The following GADL1 variants were observed in gnomAD, a reference collection of about 807,000 sequenced individuals.
GADL1 encodes the protein acidic amino acid decarboxylase GADL1.
In GADL1, 71 loss-of-function variants were observed where a neutral mutation model predicts 69.5. The observed-to-expected ratio is 1.02, with a 90% CI of 0.84 to 1.25. The LOEUF is 1.25. Ranked by LOEUF, GADL1 falls within the 50% of genes most tolerant of loss-of-function variation. The probability of loss-of-function intolerance (pLI) is 0.00; values close to 1 mark genes in which losing one functional copy is unlikely to be tolerated. For missense variants in GADL1, 737 were observed against 631.8 expected (o/e 1.17, Z -1.79); for synonymous variants, 254 against 214.4 (o/e 1.18, Z -1.62).
chr3:30,887,671 A>AATGTTGAAC (rs1698727416), intron 1 of GADL1, among the ~76,000 whole-genome samples: 1 of 152,156 alleles, frequency 6.6e-6, no homozygotes, highest in African/African-American at 2.4e-5. Context: ...CTTCAGGAAA[A>AATGTTGAAC]ATGTTGAACC....
At chr3:30,814,976 A>C (rs1389533497) in intron 11 of GADL1, among the ~76,000 whole-genome samples, 1 of 140,698 alleles carries the variant, frequency 7.1e-6, no homozygotes, top group East Asian at 2.0e-4. Context: ...TTAAAAAAAA[A>C]AAAAAATTTT....
intron 2 of GADL1, 59 bp downstream of exon 2, chr3:30,861,534 G>T: frequency 7.7e-7 from 1 of 1,296,700 alleles, no homozygotes; most frequent in Non-Finnish European, 1.1e-6. Flanking sequence ...CAGCCATACT[G>T]ATTTGGGGAA....
chr3:30,820,686 G>A (rs1037185863), intron 11 of GADL1, among the ~76,000 whole-genome samples: 1 of 152,126 alleles, frequency 6.6e-6, no homozygotes, highest in Non-Finnish European at 1.5e-5. Flanking sequence ...GTGCTAGAGA[G>A]GATGTGAAGA....
intron 9 of GADL1, among the ~76,000 whole-genome samples, chr3:30,838,502 C>T (rs1050145361): frequency 1.8e-4 from 27 of 152,100 alleles, no homozygotes; most frequent in African/African-American, 6.5e-4. Flanking sequence ...TTAGTTATAG[C>T]ATGCAATTAT....
intron 13 of GADL1, among the ~76,000 whole-genome samples, chr3:30,781,235 C>T (rs1281854187): frequency 1.3e-5 from 2 of 151,976 alleles, no homozygotes; most frequent in Non-Finnish European, 2.9e-5. Context: ...ACATTCTATA[C>T]CGGTTTTCAA....
At chr3:30,853,532 T>A (rs928292710) in intron 4 of GADL1, among the ~76,000 whole-genome samples, 4 of 152,166 alleles carry the variant, frequency 2.6e-5, no homozygotes, top group African/African-American at 9.7e-5. Flanking sequence ...TTCTTGGATA[T>A]TTTAAAGTCA....
chr3:30,807,116 A>T (rs1697269516), intron 11 of GADL1, among the ~76,000 whole-genome samples: 1 of 152,176 alleles, frequency 6.6e-6, no homozygotes, highest in African/African-American at 2.4e-5. Flanking sequence ...AAATCAAAGG[A>T]ACTAATGTTA....
intron 9 of GADL1, among the ~76,000 whole-genome samples, chr3:30,834,512 A>T (rs1018297458): frequency 6.6e-6 from 1 of 152,098 alleles, no homozygotes; most frequent in Non-Finnish European, 1.5e-5. Context: ...AAATTCATGC[A>T]TCATAAATTG....
chr3:30,849,268 C>T (rs946685237), intron 6 of GADL1, among the ~76,000 whole-genome samples: 1 of 152,138 alleles, frequency 6.6e-6, no homozygotes, highest in African/African-American at 2.4e-5. Flanking sequence ...TATCTTGAGA[C>T]TTATAAGTGA....
chr3:30,811,150 C>T (rs1366632290), intron 11 of GADL1, among the ~76,000 whole-genome samples: 1 of 152,172 alleles, frequency 6.6e-6, no homozygotes, highest in Non-Finnish European at 1.5e-5. Flanking sequence ...TACTTTAGTA[C>T]AAGATCTGAG....
intron 1 of GADL1, among the ~76,000 whole-genome samples, chr3:30,869,237 C>T (rs549246379): frequency 3.3e-5 from 5 of 151,782 alleles, no homozygotes; most frequent in East Asian, 1.9e-4. Flanking sequence ...GAATGGATGC[C>T]TAATTTACCT....
At chr3:30,769,000 G>A (rs1478987518) in intron 14 of GADL1, among the ~76,000 whole-genome samples, 1 of 152,142 alleles carries the variant, frequency 6.6e-6, no homozygotes, top group Non-Finnish European at 1.5e-5. Flanking sequence ...CTTTGTTTTT[G>A]CAACAACAAA....
intron 11 of GADL1, among the ~76,000 whole-genome samples, chr3:30,820,650 T>G (rs970397546): frequency 1.3e-5 from 2 of 152,150 alleles, no homozygotes; most frequent in African/African-American, 4.8e-5. Flanking sequence ...TGGGGTTGTT[T>G]TTTTCTTGTA....
chr3:30,790,688 C>T (rs1696894765), intron 12 of GADL1, among the ~76,000 whole-genome samples: 1 of 152,018 alleles, frequency 6.6e-6, no homozygotes, highest in Non-Finnish European at 1.5e-5. Flanking sequence ...TTTTGAAATG[C>T]TGGTCTACAA....
chr3:30,890,405 A>G (rs1307020784), intron 1 of GADL1, among the ~76,000 whole-genome samples: 1 of 152,208 alleles, frequency 6.6e-6, no homozygotes, highest in Non-Finnish European at 1.5e-5. Flanking sequence ...TAGAATTACA[A>G]GCATGTAAAA....
chr3:30,862,822 G>A (rs779064173), intron 1 of GADL1, among the ~76,000 whole-genome samples: 11 of 151,928 alleles, frequency 7.2e-5, no homozygotes, highest in Non-Finnish European at 7.4e-5. Flanking sequence ...CTTTAGGTGC[G>A]TGTAGCTGTT....
Position 30,887,975 on chromosome 3 carries a change from G to A in GADL1, c.37+6603C>T, listed in dbSNP as rs150276645. ...ACCCGAGGCTGCTCAAGTCCCTTAC[G>A]TGAAAGGGTATAATATTTGCATATA... On this transcript the variant is annotated intron_variant, in intron 1 of 14. Coordinates refer to ENST00000282538, the MANE Select transcript of GADL1 (RefSeq NM_207359.3). 9.9e-5 allele frequency among the ~76,000 whole-genome samples: 15 copies of A among 152,262 alleles called. No homozygotes were observed. The East Asian group carries it at 1.5e-3, about 16-fold the overall frequency.
intron 13 of GADL1, among the ~76,000 whole-genome samples, chr3:30,782,025 T>C (rs1446434068): frequency 1.3e-5 from 2 of 152,192 alleles, no homozygotes; most frequent in African/African-American, 2.4e-5. Flanking sequence ...GTTATAGATA[T>C]TGACTAGGCA....
chr3:30,809,813 C>A (rs912383353), intron 11 of GADL1, among the ~76,000 whole-genome samples: 5 of 152,166 alleles, frequency 3.3e-5, no homozygotes, highest in African/African-American at 9.7e-5. Flanking sequence ...TTTAAACACA[C>A]CTTTTCCTCC....
Sources: gnomAD v4.1 joint callset for allele counts (sites outside exome capture counted in the v4.1 genomes callset) on GRCh38, gnomAD v4.1.1 for gene constraint, MANE v1.5 for transcripts, NCBI Gene and HGNC (gene_info 2026-07-23, HGNC 2026-07-21) for gene names.